FOXO3: variants seen among roughly 807,000 people sequenced by gnomAD.
FOXO3 encodes forkhead box O3.
Under a neutral mutation model 41.9 loss-of-function variants are expected in FOXO3, and 4 were observed. The ratio of observed to expected loss-of-function variants is 0.10; its 90% CI spans 0.05 to 0.22. FOXO3 has a LOEUF of 0.22. FOXO3 is among the 10% of genes least tolerant of loss of function. FOXO3 has a pLI of 1.00. For synonymous variants in FOXO3, 318 were observed against 389.3 expected, an observed-to-expected ratio of 0.82 and a Z score of 2.16; for missense variants, 534 against 906.8, an observed-to-expected ratio of 0.59 and a Z score of 5.28.
intron 1 of FOXO3, among the ~76,000 whole-genome samples, chr6:108,611,519 C>A (rs1777363892): frequency 6.6e-6 from 1 of 152,200 alleles, no homozygotes; most frequent in Non-Finnish European, 1.5e-5. Context: ...CACCTCCTCT[C>A]CAACACATGT....
At chr6:108,639,167 A>G in intron 1 of FOXO3, among the ~76,000 whole-genome samples, 1 of 152,200 alleles carries the variant, frequency 6.6e-6, no homozygotes, top group East Asian at 1.9e-4. Context: ...CTCTGACCTG[A>G]AAATAGAGCA....
intron 1 of FOXO3, among the ~76,000 whole-genome samples, chr6:108,593,598 T>C (rs1421746814): frequency 6.6e-6 from 1 of 151,822 alleles, no homozygotes; most frequent in Non-Finnish European, 1.5e-5. Flanking sequence ...GGTTGGTCTC[T>C]AACTCCTGGC....
intron 1 of FOXO3, among the ~76,000 whole-genome samples, chr6:108,562,293 G>A (rs954296579): frequency 3.3e-5 from 5 of 152,070 alleles, no homozygotes; most frequent in Admixed American, 2.0e-4. Context: ...GCAGGAGCAT[G>A]TTGCGTCGTC....
chr6:108,571,706 G>A (rs1243903026), intron 1 of FOXO3, among the ~76,000 whole-genome samples: 1 of 152,162 alleles, frequency 6.6e-6, no homozygotes, highest in Admixed American at 6.5e-5. Context: ...AGGGAGCATG[G>A]CTTTGCCAAC....
chr6:108,636,892 A>G (rs772430653), intron 1 of FOXO3, among the ~76,000 whole-genome samples: 1 of 152,154 alleles, frequency 6.6e-6, no homozygotes, highest in Non-Finnish European at 1.5e-5. Flanking sequence ...CAGCTCTGCA[A>G]CATCCTCCCA....
At chr6:108,579,163 CTT>C (rs1776342471) in intron 1 of FOXO3, among the ~76,000 whole-genome samples, 1 of 152,182 alleles carries the variant, frequency 6.6e-6, no homozygotes, top group African/African-American at 2.4e-5. Flanking sequence ...AGCAGGATGA[CTT>C]TGGATTACAG....
At chr6:108,601,980 G>A (rs762655519) in intron 1 of FOXO3, among the ~76,000 whole-genome samples, 3 of 152,138 alleles carry the variant, frequency 2.0e-5, no homozygotes, top group South Asian at 2.1e-4. Context: ...TTATGTGAAC[G>A]TAAATTTTCA....
rs971768662 is a variant in FOXO3, at chr6:108,561,518, G to A, written c.310G>A (p.Gly104Arg). ...LEDSARVLAPGGQDPGSGPAT... is the reference protein window; with the variant it reads ...LEDSARVLAPRGQDPGSGPAT... ...GGACTCGGCCCGGGTGCTGGCACCC[G>A]GAGGGCAAGACCCCGGGTCTGGGCC... Residue 104 changes from glycine (G) to arginine (R), a missense_variant, in exon 1 of 3, where the codon GGA (glycine) becomes AGA (arginine). Gly to Arg is a moderately radical substitution (Grantham distance 125). Coordinates refer to ENST00000406360, the MANE Select transcript of FOXO3 (RefSeq NM_001455.4). 6.9e-7 allele frequency: 1 copy of A among 1,444,528 alleles called. No individual in the cohort carries two copies. The highest frequency in any genetic ancestry group is 2.8e-5 in the Admixed American group (1 of 36,062). The allele number at this position is 1,444,528 out of a possible 1,614,324, so 89.5% of individuals were successfully genotyped here.
At chr6:108,606,774 G>T (rs1278386140) in intron 1 of FOXO3, among the ~76,000 whole-genome samples, 1 of 152,112 alleles carries the variant, frequency 6.6e-6, no homozygotes, top group Non-Finnish European at 1.5e-5. Context: ...ATGCTACCTT[G>T]CACAGCTCTT....
At chr6:108,634,280 A>T (rs1167414998) in intron 1 of FOXO3, among the ~76,000 whole-genome samples, 1 of 152,192 alleles carries the variant, frequency 6.6e-6, no homozygotes, top group Non-Finnish European at 1.5e-5. Flanking sequence ...TATTGAGTAT[A>T]TAAAGGAGGG....
chr6:108,598,883 T>C (rs1414091592), intron 1 of FOXO3, among the ~76,000 whole-genome samples: 1 of 152,192 alleles, frequency 6.6e-6, no homozygotes, highest in Non-Finnish European at 1.5e-5. Flanking sequence ...GGGGTGTCTG[T>C]ATACCCCTCA....
chr6:108,664,766 C>T lies in FOXO3; in HGVS notation c.1933C>T (p.Leu645Phe). 6.9e-7 allele frequency: 1 copy of T among 1,443,642 alleles called. No homozygotes were observed. The highest frequency in any genetic ancestry group is 9.6e-7 in the Non-Finnish European group (1 of 1,044,386). The allele number at this position is 1,443,642 out of a possible 1,614,324, so 89.4% of individuals were successfully genotyped here. A position where few individuals can be genotyped will look rare whatever the true frequency, so the allele number is the denominator to read the frequency against. ...TGGGTTGGATTTTAACTTTGATTCC[C>T]TCATCTCCACACAGAATGTTGTTGG... ...ADGLDFNFDS[L>F]ISTQNVVGLN... The change falls in exon 2 of 3, where the codon CTC becomes TTC. Residue 645 changes from leucine (L) to phenylalanine (F), a missense_variant. By Grantham distance (22) the Leu-to-Phe change is conservative. This residue lies in a region of FOXO3 where 94 missense variants were observed against 214.4 expected (regional missense o/e 0.44). Transcript: ENST00000406360.
At chr6:108,622,948 A>G (rs79405919) in intron 1 of FOXO3, among the ~76,000 whole-genome samples, 1 of 151,810 alleles carries the variant, frequency 6.6e-6, no homozygotes, top group Non-Finnish European at 1.5e-5. Flanking sequence ...AAAAAAAAAA[A>G]AGCTGGAAGA....
intron 2 of FOXO3, among the ~76,000 whole-genome samples, chr6:108,677,829 C>T (rs1422321596): frequency 6.6e-6 from 1 of 152,142 alleles, no homozygotes; most frequent in Middle Eastern, 3.4e-3. Flanking sequence ...TTCACAGATG[C>T]TGAGATCTAG....
chr6:108,629,260 T>C (rs1412875907), intron 1 of FOXO3, among the ~76,000 whole-genome samples: 1 of 152,132 alleles, frequency 6.6e-6, no homozygotes, highest in African/African-American at 2.4e-5. Context: ...GAAATTGCCC[T>C]CTACATTATA....
intron 2 of FOXO3, among the ~76,000 whole-genome samples, chr6:108,673,485 G>A (rs986477087): frequency 6.6e-6 from 1 of 152,228 alleles, no homozygotes; most frequent in Non-Finnish European, 1.5e-5. Context: ...TGTCACCTGT[G>A]TGTCCTGGTC....
At chr6:108,670,207 A>T (rs1779178578) in intron 2 of FOXO3, among the ~76,000 whole-genome samples, 1 of 151,934 alleles carries the variant, frequency 6.6e-6, no homozygotes, top group Admixed American at 6.6e-5. Flanking sequence ...TGACTTGGAG[A>T]CACATATTTA....
In FOXO3 at chr6:108,663,683, A is replaced by G. The variant is rs1248946365; in HGVS notation, c.850A>G (p.Ser284Gly). The stretch of plus-strand genomic sequence containing the variant: ...GACAGCCCCCGAATCAGCTGACGAC[A>G]GTCCCTCCCAGCTCTCCAAGTGGCC... ...LQTAPESADD[S>G]PSQLSKWPGS... Residue 284 changes from serine to glycine, a missense_variant, in exon 2 of 3, where the codon AGT (serine) becomes GGT (glycine). Physicochemically the swap from Ser to Gly is moderately conservative, Grantham distance 56 (BLOSUM62 0). This residue lies in a region of FOXO3 where 185 missense variants were observed against 224.9 expected (regional missense o/e 0.82). Coordinates refer to ENST00000406360, the MANE Select transcript of FOXO3 (RefSeq NM_001455.4). 6.2e-7 allele frequency: 1 copy of G among 1,613,286 alleles called. No individual in the cohort carries two copies. The highest frequency in any genetic ancestry group is 1.7e-5 in the Admixed American group (1 of 59,954).
At chr6:108,636,476 T>G (rs1778124418) in intron 1 of FOXO3, among the ~76,000 whole-genome samples, 1 of 152,132 alleles carries the variant, frequency 6.6e-6, no homozygotes. Flanking sequence ...TTGAGCCCAG[T>G]GGAACTGGGC....
Sources: gnomAD v4.1 joint callset for allele counts (sites outside exome capture counted in the v4.1 genomes callset) on GRCh38, gnomAD v4.1.1 for gene constraint, gnomAD v4.1.1 regional missense constraint, MANE v1.5 for transcripts, NCBI Gene and HGNC (gene_info 2026-07-23, HGNC 2026-07-21) for gene names.